RUNDC3B: variants seen among roughly 807,000 people sequenced by gnomAD.
The protein encoded by RUNDC3B is RUN domain-containing protein 3B.
In RUNDC3B, 33 loss-of-function variants were observed where a neutral mutation model predicts 58.4. The ratio of observed to expected loss-of-function variants is 0.56; its 90% CI spans 0.43 to 0.75. The LOEUF is 0.75. RUNDC3B is among the 30% of genes least tolerant of loss of function. RUNDC3B has a pLI of 0.00. For synonymous variants in RUNDC3B, 193 were observed against 195.2 expected (o/e 0.99, Z 0.10); for missense variants, 501 against 535.7 (o/e 0.94, Z 0.64).
chr7:87,766,396 T>A (rs2130862331), intron 6 of RUNDC3B, among the ~76,000 whole-genome samples: 1 of 152,326 alleles, frequency 6.6e-6, no homozygotes, highest in Non-Finnish European at 1.5e-5. Context: ...CCTTTTTTTA[T>A]GTTTAGAGCT....
chr7:87,695,862 T>C lies in RUNDC3B; in HGVS notation c.239-4559T>C, dbSNP rs149949607. Among the ~76,000 whole-genome samples the C allele has an allele frequency of 4.9e-3, 738 of 152,154 alleles. 4 individuals are homozygous for C. The highest frequency in any genetic ancestry group is 0.017 in the African/African-American group (698 of 41,536). Reference sequence around the variant, plus strand: ...ACATATTGCAAAGTGTAAATAGATATCTCACTTAAAGAGTATAGAAGAGTA... The same window carrying C: ...ACATATTGCAAAGTGTAAATAGATACCTCACTTAAAGAGTATAGAAGAGTA... On this transcript the variant is annotated intron_variant, in intron 2 of 10. Transcript: ENST00000394654.
chr7:87,665,914 T>C (rs1825185081), intron 2 of RUNDC3B, among the ~76,000 whole-genome samples: 1 of 152,146 alleles, frequency 6.6e-6, no homozygotes, highest in Non-Finnish European at 1.5e-5. Context: ...GGCATATATG[T>C]ATCACATTTT....
chr7:87,741,589 AT>A lies in RUNDC3B; in HGVS notation c.629+14del. ...TGAAGTATATCCAAAGGTATGTGAC[AT>A]TTTGAGATATGTTTTTTAAAATCTT... On this transcript the variant is annotated intron_variant, in intron 6 of 10. Coordinates refer to ENST00000394654, the MANE Select transcript of RUNDC3B (RefSeq NM_001134405.2). 1 of 1,437,958 alleles carries A rather than the reference AT, an allele frequency of 7.0e-7. No individual in the cohort carries two copies. Among genetic ancestry groups the A allele is most frequent in the Non-Finnish European group, 9.6e-7 (1 of 1,036,550 alleles). The allele number at this position is 1,437,958 out of a possible 1,614,324, so 89.1% of individuals were successfully genotyped here.
chr7:87,718,442 A>G (rs1830686897), intron 4 of RUNDC3B, among the ~76,000 whole-genome samples: 11 of 152,198 alleles, frequency 7.2e-5, no homozygotes, highest in Admixed American at 7.2e-4. Context: ...GTTTAGGCAC[A>G]GTGAGCCATT....
intron 6 of RUNDC3B, among the ~76,000 whole-genome samples, chr7:87,763,396 C>A (rs1833804561): frequency 6.6e-6 from 1 of 151,536 alleles, no homozygotes; most frequent in Non-Finnish European, 1.5e-5. Context: ...CTTATTAGGT[C>A]ATTTTACTTT....
chr7:87,722,549 A>G, intron 4 of RUNDC3B, among the ~76,000 whole-genome samples: 1 of 152,238 alleles, frequency 6.6e-6, no homozygotes, highest in South Asian at 2.1e-4. Context: ...CAAGAAAGTT[A>G]GTATGAGTGT....
chr7:87,695,012 A>G (rs1033885337), intron 2 of RUNDC3B, among the ~76,000 whole-genome samples: 1 of 152,156 alleles, frequency 6.6e-6, no homozygotes, highest in African/African-American at 2.4e-5. Flanking sequence ...GTTACATTTT[A>G]TAGATGAGTA....
intron 7 of RUNDC3B, among the ~76,000 whole-genome samples, chr7:87,773,850 G>A (rs1353036007): frequency 2.0e-5 from 3 of 151,874 alleles, no homozygotes; most frequent in Non-Finnish European, 2.9e-5. Context: ...GCCAATTTTT[G>A]TATTTTTAGT....
chr7:87,776,720 T>C (rs1436700495), intron 7 of RUNDC3B, among the ~76,000 whole-genome samples: 4 of 151,830 alleles, frequency 2.6e-5, no homozygotes, highest in African/African-American at 9.7e-5. Context: ...AACTTTAACT[T>C]CTGAGATTTT....
At chr7:87,674,330 C>G (rs1826114799) in intron 2 of RUNDC3B, among the ~76,000 whole-genome samples, 1 of 152,098 alleles carries the variant, frequency 6.6e-6, no homozygotes, top group South Asian at 2.1e-4. Context: ...TGCATGCTCT[C>G]TTGCTGCTAT....
intron 1 of RUNDC3B, among the ~76,000 whole-genome samples, chr7:87,637,504 G>A (rs931066955): frequency 1.2e-4 from 19 of 152,142 alleles, no homozygotes; most frequent in Admixed American, 1.2e-3. Flanking sequence ...TCAGTTTTGG[G>A]AAAACTGCCA....
chr7:87,741,190 G>A (rs1229661569), intron 5 of RUNDC3B, among the ~76,000 whole-genome samples: 1 of 149,974 alleles, frequency 6.7e-6, no homozygotes, highest in Non-Finnish European at 1.5e-5. Context: ...GGGTGACAGA[G>A]CAAGACTCCC....
intron 10 of RUNDC3B, among the ~76,000 whole-genome samples, chr7:87,823,217 T>G (rs1837590389): frequency 6.6e-6 from 1 of 152,058 alleles, no homozygotes; most frequent in Non-Finnish European, 1.5e-5. Flanking sequence ...AGATGATTTA[T>G]GTCCATTTCT....
At chr7:87,736,348 A>G (rs1831931720) in intron 4 of RUNDC3B, among the ~76,000 whole-genome samples, 1 of 152,184 alleles carries the variant, frequency 6.6e-6, no homozygotes, top group African/African-American at 2.4e-5. Flanking sequence ...GATCCCATCC[A>G]GAGGATATTT....
chr7:87,717,046 C>A (rs1830589896), intron 4 of RUNDC3B, among the ~76,000 whole-genome samples: 2 of 152,154 alleles, frequency 1.3e-5, no homozygotes, highest in African/African-American at 4.8e-5. Flanking sequence ...TATCCTCTTG[C>A]CTCAGCTTCC....
intron 1 of RUNDC3B, among the ~76,000 whole-genome samples, chr7:87,630,927 T>C (rs1477557237): frequency 6.6e-6 from 1 of 152,180 alleles, no homozygotes; most frequent in Non-Finnish European, 1.5e-5. Flanking sequence ...TTTAGGAACG[T>C]CACACTGATT....
chr7:87,649,363 G>A (rs1374856716), intron 1 of RUNDC3B, among the ~76,000 whole-genome samples: 4 of 152,216 alleles, frequency 2.6e-5, no homozygotes, highest in Admixed American at 6.5e-5. Flanking sequence ...CCTAGGTGCT[G>A]AGGGAGATAC....
chr7:87,630,356 A>G (rs1367017877), intron 1 of RUNDC3B, among the ~76,000 whole-genome samples: 2 of 152,244 alleles, frequency 1.3e-5, no homozygotes, highest in Non-Finnish European at 2.9e-5. Context: ...GTATTTGTAT[A>G]ATGTAATTAT....
At chr7:87,674,655 G>T (rs545590784) in intron 2 of RUNDC3B, among the ~76,000 whole-genome samples, 3 of 152,082 alleles carry the variant, frequency 2.0e-5, no homozygotes, top group Non-Finnish European at 4.4e-5. Flanking sequence ...GCAGGGGCTG[G>T]TCTGTTGGAA....
Sources: gnomAD v4.1 joint callset for allele counts (sites outside exome capture counted in the v4.1 genomes callset) on GRCh38, gnomAD v4.1.1 for gene constraint, MANE v1.5 for transcripts, NCBI Gene and HGNC (gene_info 2026-07-23, HGNC 2026-07-21) for gene names.